The following LMOD3 variants were observed in gnomAD, a reference collection of about 807,000 sequenced individuals.
LMOD3 encodes the protein leiomodin 3, also known as leiomodin-3.
LMOD3 carries 31 observed loss-of-function variants against 41.8 expected under a neutral mutation model. The observed-to-expected ratio is 0.74, with a 90% CI of 0.56 to 1.00. The LOEUF (loss-of-function observed/expected upper bound fraction) is 1.00, where lower values mean the gene tolerates loss of function less well. LMOD3 is among the 50% of genes least tolerant of loss of function. The pLI, the probability that LMOD3 is intolerant of heterozygous loss-of-function variation, is 0.00. For synonymous variants in LMOD3, 292 were observed against 241.9 expected, an observed-to-expected ratio of 1.21 and a Z score of -1.92; for missense variants, 755 against 679.5, an observed-to-expected ratio of 1.11 and a Z score of -1.23.
intron 2 of LMOD3, among the ~76,000 whole-genome samples, chr3:69,115,954 TAC>T (rs1361931574): frequency 1.3e-5 from 2 of 152,204 alleles, no homozygotes; most frequent in African/African-American, 4.8e-5. Flanking sequence ...CTGTTGATAC[TAC>T]ACACACAGAT....
chr3:69,113,662 G>A (rs2092359184), intron 2 of LMOD3, among the ~76,000 whole-genome samples: 1 of 152,256 alleles, frequency 6.6e-6, no homozygotes. Flanking sequence ...GAGTAAGCCT[G>A]AAGTGAAATT....
intron 2 of LMOD3, among the ~76,000 whole-genome samples, chr3:69,109,414 A>C (rs562450912): frequency 5.1e-4 from 77 of 151,968 alleles, no homozygotes; most frequent in African/African-American, 1.7e-3. Context: ...TGGCACTAGC[A>C]TGTAGTAGTT....
rs373887230 is a variant in LMOD3, at chr3:69,120,024, G to A, written c.331C>T (p.Arg111Cys). The A allele has an allele frequency of 2.8e-5, 45 of 1,602,644 alleles. No homozygotes were observed. The highest frequency in any genetic ancestry group is 4.1e-5 in the African/African-American group (3 of 73,890). ...AAATACTGGGCCATATTTTTATTAC[G>A]TTTTTCTATTTCTTCATGCTCTTCT... Reference protein sequence around the residue: ...TQEEHEEIEKRNKNMAQYLKE... With the variant: ...TQEEHEEIEKCNKNMAQYLKE... The change falls in exon 2 of 3, where the codon CGT (arginine) becomes TGT (cysteine). Residue 111 changes from arginine (R) to cysteine (C), a missense_variant. Coordinates refer to ENST00000420581, the MANE Select transcript of LMOD3 (RefSeq NM_198271.5).
In LMOD3 at chr3:69,122,140, G is replaced by T. The variant is rs200367429; in HGVS notation, c.247C>A (p.Arg83Ser). The change falls in exon 1 of 3, where the codon CGC becomes AGC. Residue 83 changes from arginine (R) to serine (S), a missense_variant. By Grantham distance (110) the Arg-to-Ser change is moderately radical. Transcript: ENST00000420581. ...GGAACTCGTTCCTCTTCCAGCATGC[G>T]CCTGGATGCCTTTTCCCAATACATA... ...DYMYWEKASRRMLEEERVPVT... is the reference protein window; with the variant it reads ...DYMYWEKASRSMLEEERVPVT... The T allele has an allele frequency of 1.9e-6, 3 of 1,612,380 alleles. No homozygotes were observed. The highest frequency in any genetic ancestry group is 1.7e-5 in the Admixed American group (1 of 59,852).
Position 69,107,348 on chromosome 3 carries a change from C to T in LMOD3, c.*1747G>A, listed in dbSNP as rs1374430223. 1 of 151,236 alleles carries T rather than the reference C, an allele frequency of 6.6e-6. No homozygotes were observed. Among genetic ancestry groups the T allele is most frequent in the African/African-American group, 2.4e-5 (1 of 41,126 alleles). 9.4% of individuals were successfully genotyped at this position (151,236 alleles called of 1,614,324 possible). ...CTGTCACAATTAGACCTATTCTCCCCTAGCCTGTTTGGTTTGATACATGCC... is the reference window on the plus strand; with the variant it reads ...CTGTCACAATTAGACCTATTCTCCCTTAGCCTGTTTGGTTTGATACATGCC... On this transcript the variant is annotated 3_prime_UTR_variant, in exon 3 of 3. Transcript: ENST00000420581.
chr3:69,120,352 C>T (rs2092401640), intron 1 of LMOD3, among the ~76,000 whole-genome samples: 1 of 152,000 alleles, frequency 6.6e-6, no homozygotes, highest in South Asian at 2.1e-4. Context: ...TTCATCGATA[C>T]ACTGAAGCTT....
At position 69,108,254 on chromosome 3, in the gene LMOD3, T is replaced by TGTGC. The variant is rs2092331800; in HGVS notation, c.*840_*841insGCAC. 6.6e-6 allele frequency: 1 copy of TGTGC among 152,178 alleles called. No individual in the cohort carries two copies. Among genetic ancestry groups the TGTGC allele is most frequent in the African/African-American group, 2.4e-5 (1 of 41,422 alleles). The allele number at this position is 152,178 out of a possible 1,614,324, so 9.4% of individuals were successfully genotyped here. On this transcript the variant is annotated 3_prime_UTR_variant, in exon 3 of 3. Transcript: ENST00000420581. Reference sequence around the variant, plus strand: ...ACATATGAGCGTGTGTGTGTGTGTGTGTATTTAGCCAAAACCAAAAGCTTG... The same window carrying TGTGC: ...ACATATGAGCGTGTGTGTGTGTGTGTGTGCGTATTTAGCCAAAACCAAAAGCTTG...
chr3:69,119,050 T>TC lies in LMOD3; in HGVS notation c.1304dup (p.Gly436ArgfsTer28). 2 of 1,613,716 alleles carry TC rather than the reference T, an allele frequency of 1.2e-6. No homozygotes were observed. The highest frequency in any genetic ancestry group is 1.7e-6 in the Non-Finnish European group (2 of 1,179,844). On this transcript the variant is annotated frameshift_variant, in exon 2 of 3. Coordinates refer to ENST00000420581, the MANE Select transcript of LMOD3 (RefSeq NM_198271.5). LOFTEE classifies it high-confidence loss of function. ...GCATTCTGGAATCTGGCTTGGGTCC[T>TC]CCCAACAGCTCCCACATCCCAGGGG... is the stretch of plus-strand genomic sequence containing the variant.
chr3:69,112,709 G>A (rs1472996910), intron 2 of LMOD3, among the ~76,000 whole-genome samples: 1 of 152,192 alleles, frequency 6.6e-6, no homozygotes, highest in Non-Finnish European at 1.5e-5. Flanking sequence ...AGTCGTGATT[G>A]TCAAATGTGG....
rs2092333620 is a variant in LMOD3 at position 69,108,602 on chromosome 3, G to A, written c.*493C>T. 1 of 152,774 alleles carries A rather than the reference G, an allele frequency of 6.5e-6. No homozygotes were observed. The highest frequency in any genetic ancestry group is 2.1e-4 in the South Asian group (1 of 4,812). The allele number at this position is 152,774 out of a possible 1,614,324, so 9.5% of individuals were successfully genotyped here. A position where few individuals can be genotyped will look rare whatever the true frequency, so the allele number is the denominator to read the frequency against. On this transcript the variant is annotated 3_prime_UTR_variant, in exon 3 of 3. Coordinates refer to ENST00000420581, the MANE Select transcript of LMOD3 (RefSeq NM_198271.5). The stretch of plus-strand genomic sequence containing the variant: ...ACAATCCTTCCATTTCAAAGCATCA[G>A]AAGGGCCAGGAGCTCAATTCATCCT...
chr3:69,119,110 C>T lies in LMOD3; in HGVS notation c.1245G>A (p.Lys415=). The T allele has an allele frequency of 6.2e-7, 1 of 1,613,852 alleles. No individual in the cohort carries two copies. The highest frequency in any genetic ancestry group is 8.5e-7 in the Non-Finnish European group (1 of 1,179,872). The stretch of plus-strand genomic sequence containing the variant: ...ACCCATTCTCTAACATGGCTATCAG[C>T]TTCTTCTGTTCCTTGAGTTGCTGCT... ...QKQQQLKEQK[K]LIAMLENGLG... Residue 415 remains lysine, a synonymous_variant, in exon 2 of 3, where the codon AAG becomes AAA. Coordinates refer to ENST00000420581, the MANE Select transcript of LMOD3 (RefSeq NM_198271.5).
rs769758642 is a variant in LMOD3 at position 69,119,370 on chromosome 3, C to T, written c.985G>A (p.Ala329Thr). The T allele has an allele frequency of 6.2e-7, 1 of 1,613,928 alleles. No individual in the cohort carries two copies. Among genetic ancestry groups the T allele is most frequent in the South Asian group, 1.1e-5 (1 of 91,076 alleles). The stretch of plus-strand genomic sequence containing the variant: ...TTAAACTGGAGACACCTCATGATGG[C>T]CACAATCCCTTTACCTGTGATGAAA... ...SNFITGKGIV[A>T]IMRCLQFNET... The change falls in exon 2 of 3, where the codon GCC becomes ACC. Residue 329 changes from alanine (A) to threonine (T), a missense_variant. By Grantham distance (58) the Ala-to-Thr change is moderately conservative. Coordinates refer to ENST00000420581, the MANE Select transcript of LMOD3 (RefSeq NM_198271.5).
intron 1 of LMOD3, 132 bp downstream of exon 1, chr3:69,121,961 G>C: frequency 1.5e-6 from 1 of 660,952 alleles, no homozygotes; most frequent in Non-Finnish European, 2.6e-6. Flanking sequence ...TAAATATTAT[G>C]GTTTAATCTA....
At chr3:69,114,013 AAAC>A (rs1299986749) in intron 2 of LMOD3, among the ~76,000 whole-genome samples, 1 of 152,334 alleles carries the variant, frequency 6.6e-6, no homozygotes, top group Non-Finnish European at 1.5e-5. Flanking sequence ...ACATAGCTAA[AAAC>A]AACAAGAGCA....
Position 69,120,046 on chromosome 3 carries a change from T to C in LMOD3, c.309A>G (p.Glu103=). 1.3e-6 allele frequency: 2 copies of C among 1,597,158 alleles called. No individual in the cohort carries two copies. The highest frequency in any genetic ancestry group is 3.6e-4 in the Middle Eastern group (2 of 5,632). The change falls in exon 2 of 3, where the codon GAA becomes GAG. Residue 103 remains glutamate, a synonymous_variant. Coordinates refer to ENST00000420581, the MANE Select transcript of LMOD3 (RefSeq NM_198271.5). ...TACGTTTTTCTATTTCTTCATGCTC[T>C]TCTTGAGTCTTTTCCTACAAGAGAG... The part of the protein sequence containing the change: ...TFVKSEEKTQ[E]EHEEIEKRNK...
At position 69,118,804 on chromosome 3, in the gene LMOD3, C is replaced by A. The variant is rs746128445; in HGVS notation, c.1551G>T (p.Thr517=). 1.2e-6 allele frequency: 2 copies of A among 1,610,508 alleles called. No individual in the cohort carries two copies. The highest frequency in any genetic ancestry group is 2.2e-5 in the East Asian group (1 of 44,764). ...GCCTGTTTCTCGGCACTGGCTTGAG[C>A]GTTTTGATGACATCTTTGAGGTTGG... ...EKTNLKDVIK[T]LKPVPRNRPP... Residue 517 remains threonine, a synonymous_variant, in exon 2 of 3, where the codon ACG becomes ACT. Transcript: ENST00000420581.
chr3:69,112,897 A>G (rs2092355994), intron 2 of LMOD3, among the ~76,000 whole-genome samples: 1 of 152,230 alleles, frequency 6.6e-6, no homozygotes, highest in South Asian at 2.1e-4. Context: ...GACTTTAGAA[A>G]AGTGTATAAA....
Position 69,119,045 on chromosome 3 carries a change from G to T in LMOD3, c.1310C>A (p.Pro437His), listed in dbSNP as rs750229641. 6.2e-6 allele frequency: 10 copies of T among 1,613,572 alleles called. No homozygotes were observed. In the African/African-American group the frequency reaches 6.7e-5, roughly 11 times the overall value. ...PPGMWELLGG[P>H]KPDSRMQEFF... ...TTCCTGCATTCTGGAATCTGGCTTG[G>T]GTCCTCCCAACAGCTCCCACATCCC... Residue 437 changes from proline (P) to histidine (H), a missense_variant, in exon 2 of 3, where the codon CCC (proline) becomes CAC (histidine). Pro to His is a moderately conservative substitution (Grantham distance 77). Coordinates refer to ENST00000420581, the MANE Select transcript of LMOD3 (RefSeq NM_198271.5).
At chr3:69,120,834 G>A (rs1200167067) in intron 1 of LMOD3, among the ~76,000 whole-genome samples, 1 of 152,006 alleles carries the variant, frequency 6.6e-6, no homozygotes, top group Non-Finnish European at 1.5e-5. Context: ...CTTAGTCTGG[G>A]AAATAAAATG....
Sources: gnomAD v4.1 joint callset for allele counts (sites outside exome capture counted in the v4.1 genomes callset) on GRCh38, gnomAD v4.1.1 for gene constraint, MANE v1.5 for transcripts, NCBI Gene and HGNC (gene_info 2026-07-23, HGNC 2026-07-21) for gene names.